Variants in DNAH9 observed in about 807,000 individuals in gnomAD.
DNAH9 encodes dynein axonemal heavy chain 9.
A neutral mutation model predicts 471.6 loss-of-function variants in DNAH9; 345 were observed. That is an observed-to-expected ratio of 0.73 (90% confidence interval 0.67 to 0.80). The LOEUF (loss-of-function observed/expected upper bound fraction) is 0.80, where lower values mean the gene tolerates loss of function less well. Ranked by LOEUF, DNAH9 falls within the 30% of genes least tolerant of loss-of-function variation. The pLI is 0.00. For missense variants in DNAH9, 5,407 were observed against 5,609.2 expected, an observed-to-expected ratio of 0.96 and a Z score of 1.15; for synonymous variants, 2,093 against 2,123.6, an observed-to-expected ratio of 0.99 and a Z score of 0.40.
intron 61 of DNAH9, among the ~76,000 whole-genome samples, chr17:11,922,867 A>G (rs1187124867): frequency 6.6e-6 from 1 of 152,160 alleles, no homozygotes; most frequent in African/African-American, 2.4e-5. Context: ...AAGGCAAGCC[A>G]CAAAGGACCA....
At chr17:11,922,266 A>G (rs547529218) in intron 61 of DNAH9, among the ~76,000 whole-genome samples, 6 of 152,368 alleles carry the variant, frequency 3.9e-5, no homozygotes, top group African/African-American at 1.4e-4. Flanking sequence ...GTATCAAACT[A>G]CATCTTCACT....
chr17:11,787,323 G>A (rs867579364), intron 41 of DNAH9, among the ~76,000 whole-genome samples: 48 of 152,324 alleles, frequency 3.2e-4, no homozygotes, highest in Middle Eastern at 6.8e-3. Context: ...AAAACTCAGT[G>A]ATTGGCACAA....
chr17:11,872,223 G>A (rs1299037008), intron 52 of DNAH9, among the ~76,000 whole-genome samples: 2 of 152,136 alleles, frequency 1.3e-5, no homozygotes, highest in East Asian at 3.9e-4. Context: ...GCTTGTGCCA[G>A]TGACTCACAG....
At chr17:11,640,405 A>G (rs1193945541) in intron 10 of DNAH9, 21 bp downstream of exon 10, 1 of 1,507,790 alleles carries the variant, frequency 6.6e-7, no homozygotes, top group East Asian at 2.3e-5. Context: ...TGTTCCTGAA[A>G]GACAGGCTTG....
At chr17:11,814,378 GT>G (rs1270700264) in intron 45 of DNAH9, among the ~76,000 whole-genome samples, 3 of 152,232 alleles carry the variant, frequency 2.0e-5, no homozygotes, top group African/African-American at 7.2e-5. Flanking sequence ...CAAGTGTGAT[GT>G]TTCTTCCACC....
intron 17 of DNAH9, among the ~76,000 whole-genome samples, chr17:11,673,186 T>G (rs779974629): frequency 5.3e-5 from 8 of 152,216 alleles, no homozygotes; most frequent in Non-Finnish European, 1.2e-4. Flanking sequence ...TCTTTCAGAC[T>G]CCTGTTTCCT....
intron 48 of DNAH9, among the ~76,000 whole-genome samples, chr17:11,823,651 G>A (rs919096746): frequency 6.6e-6 from 1 of 152,160 alleles, no homozygotes; most frequent in Non-Finnish European, 1.5e-5. Flanking sequence ...GCCCCTGTCG[G>A]CCGGGCACGG....
At position 11,962,677 on chromosome 17, in the gene DNAH9, T is replaced by TCTG. The variant is rs141341701; in HGVS notation, c.13233+434_13233+436dup. ...TCAAAAAATGTTGGAGTCAGCTATC[T>TCTG]CTGCTGCTGCTGCTGTGTGTCTGTC... is the stretch of plus-strand genomic sequence containing the variant. On this transcript the variant is annotated intron_variant, in intron 68 of 68. Transcript: ENST00000262442. This position sits in a 1 kb window ranked among gnomAD's most constrained non-coding sequence, Gnocchi z 4.1. 2.0e-5 allele frequency among the ~76,000 whole-genome samples: 3 copies of TCTG among 152,094 alleles called. No homozygotes were observed. Among genetic ancestry groups the TCTG allele is most frequent in the South Asian group, 4.1e-4 (2 of 4,826 alleles).
At chr17:11,839,626 A>G (rs936522625) in intron 49 of DNAH9, among the ~76,000 whole-genome samples, 1 of 152,130 alleles carries the variant, frequency 6.6e-6, no homozygotes, top group Non-Finnish European at 1.5e-5. Context: ...TGGCTCCTAT[A>G]ATAATTTGGA....
chr17:11,887,069 C>A (rs1723156142), intron 57 of DNAH9, 104 bp downstream of exon 57: 1 of 1,419,188 alleles, frequency 7.0e-7, no homozygotes, highest in Non-Finnish European at 9.4e-7. Context: ...TTAGCTATGG[C>A]AAGTCTGTAA....
chr17:11,750,976 G>A (rs890503725), intron 32 of DNAH9, among the ~76,000 whole-genome samples: 1 of 152,036 alleles, frequency 6.6e-6, no homozygotes, highest in South Asian at 2.1e-4. Flanking sequence ...TTGGTTCGCT[G>A]TAAAGACCAA....
rs180920308 is a variant in DNAH9 at position 11,692,964 on chromosome 17, G to T, written c.4615-904G>T. Among the ~76,000 whole-genome samples, 27 of 152,158 alleles carry T rather than the reference G, an allele frequency of 1.8e-4. 1 individual carries two copies. The East Asian group carries it at 3.7e-3, about 21-fold the overall frequency. Reference sequence around the variant, plus strand: ...TTTGTCACCCAGGCTGGAGTGCAGTGGCACGGTCTCGGCTCAATACAACCT... The same window carrying T: ...TTTGTCACCCAGGCTGGAGTGCAGTTGCACGGTCTCGGCTCAATACAACCT... On this transcript the variant is annotated intron_variant, in intron 20 of 68. Transcript: ENST00000262442.
At chr17:11,889,675 C>A (rs552839035) in intron 57 of DNAH9, among the ~76,000 whole-genome samples, 1 of 152,314 alleles carries the variant, frequency 6.6e-6, no homozygotes, top group South Asian at 2.1e-4. Context: ...TTTTTTAGTG[C>A]TCACTATATG....
In DNAH9 at chr17:11,905,809, G is replaced by A; in HGVS notation, c.11749G>A (p.Gly3917Arg). ...CCCACTGAAGGATGTAGAAAGTCAA[G>A]GTGAGAAAGGCGTCCTCTTGGAGCC... ...VDPLKDVESQGRKLGYTFNNQ... is the reference protein window; with the variant it reads ...VDPLKDVESQRRKLGYTFNNQ... Residue 3917 changes from glycine (G) to arginine (R), a missense_variant and splice_region_variant, in exon 61 of 69, where the codon GGA becomes AGA. By Grantham distance (125) the Gly-to-Arg change is moderately radical. This residue lies in a region of DNAH9 where 4,636 missense variants were observed against 4,900.3 expected (regional missense o/e 0.95). Coordinates refer to ENST00000262442, the MANE Select transcript of DNAH9 (RefSeq NM_001372.4). 1 of 1,599,890 alleles carries A rather than the reference G, an allele frequency of 6.3e-7. No individual in the cohort carries two copies. Among genetic ancestry groups the A allele is most frequent in the Non-Finnish European group, 8.5e-7 (1 of 1,171,298 alleles).
rs1395819735 is a variant in DNAH9 at position 11,895,131 on chromosome 17, C to T, written c.11406+635C>T. Among the ~76,000 whole-genome samples the T allele has an allele frequency of 4.6e-5, 7 of 152,352 alleles. No individual in the cohort carries two copies. In the East Asian group the frequency reaches 1.4e-3, roughly 29 times the overall value. The stretch of plus-strand genomic sequence containing the variant: ...GATGGCAGAGCCTATTTTCATTCCA[C>T]ATCATGCAGCTTAGTTTAGCTGGGA... On this transcript the variant is annotated intron_variant, in intron 59 of 68. Coordinates refer to ENST00000262442, the MANE Select transcript of DNAH9 (RefSeq NM_001372.4).
intron 14 of DNAH9, among the ~76,000 whole-genome samples, chr17:11,664,311 C>G (rs1003848726): frequency 2.6e-5 from 4 of 151,628 alleles, no homozygotes; most frequent in African/African-American, 9.7e-5. Context: ...GAGAGAGAAA[C>G]ATTTTTTATT....
At chr17:11,614,081 A>G (rs2072692035) in intron 4 of DNAH9, among the ~76,000 whole-genome samples, 1 of 152,248 alleles carries the variant, frequency 6.6e-6, no homozygotes, top group Admixed American at 6.5e-5. Context: ...TTCTTTAAAT[A>G]TGAAACTCAG....
intron 50 of DNAH9, among the ~76,000 whole-genome samples, chr17:11,863,857 C>T (rs1252622143): frequency 1.8e-3 from 265 of 151,240 alleles, no homozygotes; most frequent in Non-Finnish European, 3.4e-3. Context: ...TCTGTGGGAT[C>T]GGTGGTGATA....
chr17:11,647,312 G>C, intron 12 of DNAH9, 114 bp downstream of exon 12: 2 of 1,117,572 alleles, frequency 1.8e-6, no homozygotes, highest in Admixed American at 2.1e-5. Context: ...CACTCTTGTC[G>C]CCCAGGCTGG....
Sources: allele counts gnomAD v4.1 joint callset (sites outside exome capture counted in the v4.1 genomes callset), GRCh38; gene constraint gnomAD v4.1.1; regional missense constraint gnomAD v4.1.1; non-coding constraint Gnocchi (gnomAD v3.1); transcripts MANE v1.5; gene names NCBI Gene and HGNC (gene_info 2026-07-23, HGNC 2026-07-21).